The following SORCS3 variants were observed in gnomAD, a reference collection of about 807,000 sequenced individuals.
SORCS3 encodes VPS10 domain-containing receptor SorCS3.
In SORCS3, 57 loss-of-function variants were observed where a neutral mutation model predicts 146.3. That is an observed-to-expected ratio of 0.39 (90% CI 0.31 to 0.49). The LOEUF (loss-of-function observed/expected upper bound fraction) is 0.49. Among genes scored for constraint, SORCS3 ranks in the 20% least tolerant of loss-of-function variants. The pLI, the probability that SORCS3 is intolerant of heterozygous loss-of-function variation, is 0.92. For synonymous variants in SORCS3, 653 were observed against 618.5 expected, an observed-to-expected ratio of 1.06 and a Z score of -0.83; for missense variants, 1,341 against 1,575.5, an observed-to-expected ratio of 0.85 and a Z score of 2.52.
chr10:104,685,695 A>G lies in SORCS3; in HGVS notation c.627+43741A>G, dbSNP rs949489196. ...GCTTGGAAATAAGGCCCCGTTCTGT[A>G]TAGTGATTTCCAGTAGGAGCAACGA... On this transcript the variant is annotated intron_variant, in intron 1 of 26. Transcript: ENST00000369701. Among the ~76,000 whole-genome samples, 3 of 152,200 alleles carry G rather than the reference A, an allele frequency of 2.0e-5. No individual in the cohort carries two copies. In the East Asian group the frequency reaches 5.8e-4, roughly 29 times the overall value.
intron 5 of SORCS3, among the ~76,000 whole-genome samples, chr10:105,078,407 A>G (rs790735): frequency 0.3 from 46,157 of 151,972 alleles, 7,164 homozygotes; most frequent in Admixed American, 0.36. Flanking sequence ...ACAAATAACT[A>G]AAGGTGGCGT....
chr10:104,641,860 C>T lies in SORCS3; in HGVS notation c.533C>T (p.Ala178Val), dbSNP rs745340465. 1 of 1,578,054 alleles carries T rather than the reference C, an allele frequency of 6.3e-7. No homozygotes were observed. Among genetic ancestry groups the T allele is most frequent in the Non-Finnish European group, 8.6e-7 (1 of 1,165,800 alleles). The change falls in exon 1 of 27, where the codon GCT becomes GTT. Residue 178 changes from alanine to valine, a missense_variant. Coordinates refer to ENST00000369701, the MANE Select transcript of SORCS3 (RefSeq NM_014978.3). This position sits in a 1 kb window ranked among gnomAD's most constrained non-coding sequence, Gnocchi z 6.4. ...VKAPRAGGSA[A>V]EDLRLPSTSF... ...GCGCCGCGGGCTGGGGGGTCGGCGG[C>T]TGAAGACCTCCGGCTGCCCAGCACC...
chr10:105,186,499 A>G (rs748129030), intron 14 of SORCS3, among the ~76,000 whole-genome samples: 7 of 144,338 alleles, frequency 4.8e-5, no homozygotes, highest in Non-Finnish European at 9.3e-5. Context: ...GAATTGACAT[A>G]AAGTAGGAAA....
At chr10:105,071,612 A>G (rs2055556926) in intron 5 of SORCS3, among the ~76,000 whole-genome samples, 1 of 152,236 alleles carries the variant, frequency 6.6e-6, no homozygotes, top group African/African-American at 2.4e-5. Context: ...GATGTGAAAT[A>G]AGCACATTAT....
intron 2 of SORCS3, 103 bp downstream of exon 2, chr10:104,842,962 T>A (rs904118471): frequency 1.1e-6 from 1 of 903,946 alleles, no homozygotes; most frequent in Non-Finnish European, 1.8e-6. Context: ...CAGAAGATAG[T>A]CCTCTTCCTG....
chr10:105,172,362 G>A (rs576631397), intron 13 of SORCS3, among the ~76,000 whole-genome samples: 248 of 152,252 alleles, frequency 1.6e-3, no homozygotes, highest in African/African-American at 5.7e-3. Flanking sequence ...CTGTTGAATG[G>A]TAGTGTGTAC....
chr10:105,045,999 G>A (rs1315038895), intron 5 of SORCS3, among the ~76,000 whole-genome samples: 6 of 152,062 alleles, frequency 3.9e-5, no homozygotes, highest in African/African-American at 1.4e-4. Flanking sequence ...GAACATTATT[G>A]TTCTCTACTT....
chr10:105,108,610 G>T (rs12773043), intron 7 of SORCS3, among the ~76,000 whole-genome samples: 19,222 of 152,164 alleles, frequency 0.13, 1,612 homozygotes, highest in Middle Eastern at 0.19. Context: ...AGGTGGAGGT[G>T]CTAGATCCCA....
At chr10:104,981,036 G>C (rs1041083501) in intron 4 of SORCS3, among the ~76,000 whole-genome samples, 1 of 150,600 alleles carries the variant, frequency 6.6e-6, no homozygotes, top group Non-Finnish European at 1.5e-5. Context: ...CTGCAAAGGG[G>C]TGGGGGGCAG....
At chr10:105,070,570 C>A (rs72815697) in intron 5 of SORCS3, among the ~76,000 whole-genome samples, 1 of 152,164 alleles carries the variant, frequency 6.6e-6, no homozygotes, top group Non-Finnish European at 1.5e-5. Context: ...TTCAATGGAA[C>A]CAATGTCCCA....
At chr10:105,116,067 A>T (rs1213386914) in intron 7 of SORCS3, among the ~76,000 whole-genome samples, 1 of 152,232 alleles carries the variant, frequency 6.6e-6, no homozygotes, top group Non-Finnish European at 1.5e-5. Flanking sequence ...AATAGCTTGG[A>T]TGCATCTCCT....
At chr10:104,788,204 A>G (rs2017459553) in intron 1 of SORCS3, among the ~76,000 whole-genome samples, 2 of 152,212 alleles carry the variant, frequency 1.3e-5, no homozygotes, top group African/African-American at 4.8e-5. Context: ...GGTTGAGTTG[A>G]AAGAAAACTA....
At chr10:104,958,836 C>T (rs1253204108) in intron 3 of SORCS3, among the ~76,000 whole-genome samples, 1 of 152,114 alleles carries the variant, frequency 6.6e-6, no homozygotes, top group Non-Finnish European at 1.5e-5. Flanking sequence ...AAGCAAGGCA[C>T]ATCTTACATG....
At chr10:105,128,381 T>C (rs1249267825) in intron 7 of SORCS3, among the ~76,000 whole-genome samples, 2 of 152,144 alleles carry the variant, frequency 1.3e-5, no homozygotes, top group African/African-American at 4.8e-5. Context: ...AAATCCCATG[T>C]TGGTGAAACT....
intron 1 of SORCS3, among the ~76,000 whole-genome samples, chr10:104,658,639 G>A (rs1589449143): frequency 6.6e-6 from 1 of 152,188 alleles, no homozygotes; most frequent in East Asian, 1.9e-4. Flanking sequence ...ACAGGTGTGA[G>A]CCACAGCACC....
At chr10:104,770,641 A>G (rs769521077) in intron 1 of SORCS3, among the ~76,000 whole-genome samples, 32 of 152,018 alleles carry the variant, frequency 2.1e-4, no homozygotes, top group Non-Finnish European at 4.4e-4. Context: ...GCAACATAGC[A>G]AAACCCCATC....
Position 105,208,314 on chromosome 10 carries a change from C to T in SORCS3, c.2262-2823C>T, listed in dbSNP as rs552530401. ...TGAGATCGCGTCCCTGCACTTCAGC[C>T]TGGGTGACAGAGTGAGACTCTGTCT... On this transcript the variant is annotated intron_variant, in intron 16 of 26. Coordinates refer to ENST00000369701, the MANE Select transcript of SORCS3 (RefSeq NM_014978.3). Among the ~76,000 whole-genome samples the T allele has an allele frequency of 1.8e-4, 27 of 149,826 alleles. No individual in the cohort carries two copies. In the East Asian group the frequency reaches 5.1e-3, roughly 28 times the overall value.
intron 14 of SORCS3, among the ~76,000 whole-genome samples, chr10:105,196,945 A>C (rs2056547524): frequency 6.6e-6 from 1 of 152,084 alleles, no homozygotes; most frequent in African/African-American, 2.4e-5. Context: ...TCTAGGGGAG[A>C]ATTCATTCTT....
chr10:105,234,594 A>C (rs1308717452), intron 20 of SORCS3, among the ~76,000 whole-genome samples: 1 of 110,056 alleles, frequency 9.1e-6, no homozygotes, highest in Non-Finnish European at 2.0e-5. Context: ...CAGTTTTGGC[A>C]TTTTCTGTTG....
Sources: allele counts gnomAD v4.1 joint callset (sites outside exome capture counted in the v4.1 genomes callset), GRCh38; gene constraint gnomAD v4.1.1; non-coding constraint Gnocchi (gnomAD v3.1); transcripts MANE v1.5; gene names NCBI Gene and HGNC (gene_info 2026-07-23, HGNC 2026-07-21).